TBC1D19: variants seen among roughly 807,000 people sequenced by gnomAD.
TBC1D19 encodes the protein TBC1 domain family, member 19.
Under a neutral mutation model 89.0 loss-of-function variants are expected in TBC1D19, and 60 were observed. That is an observed-to-expected ratio of 0.67 (90% CI 0.55 to 0.84). The LOEUF (loss-of-function observed/expected upper bound fraction) is 0.84. Among genes scored for constraint, TBC1D19 ranks in the 40% least tolerant of loss-of-function variants. TBC1D19 has a pLI of 0.00. For missense variants in TBC1D19, 500 were observed against 610.8 expected (o/e 0.82, Z 1.91); for synonymous variants, 189 against 199.7 (o/e 0.95, Z 0.45).
At chr4:26,773,251 C>T in the TBC1D19 span, among the ~76,000 whole-genome samples, 1 of 152,160 alleles carries the variant, frequency 6.6e-6, no homozygotes, top group Non-Finnish European at 1.5e-5. Context: ...TTGTTTGCCA[C>T]ATGTATGTCT....
Position 26,608,818 on chromosome 4 carries a change from G to A in TBC1D19, c.100-4351G>A, listed in dbSNP as rs148686965. On this transcript the variant is annotated intron_variant, in intron 1 of 20. Transcript: ENST00000264866. Reference sequence around the variant, plus strand: ...AAATATATTTTTTATCAAGTTCCTTGTTTTGGGGGGGAGGAAATTGGGTAA... The same window carrying A: ...AAATATATTTTTTATCAAGTTCCTTATTTTGGGGGGGAGGAAATTGGGTAA... 6.1e-3 allele frequency among the ~76,000 whole-genome samples: 926 copies of A among 151,754 alleles called. 2 individuals carry two copies. Among genetic ancestry groups the A allele is most frequent in the Middle Eastern group, 0.01 (3 of 294 alleles).
intron 4 of TBC1D19, 143 bp downstream of exon 4, chr4:26,620,831 G>T: frequency 2.9e-6 from 2 of 680,748 alleles, no homozygotes; most frequent in Middle Eastern, 4.3e-4. Flanking sequence ...AATAGTATTT[G>T]TATATTCTCC....
intron 4 of TBC1D19, among the ~76,000 whole-genome samples, chr4:26,624,607 A>C (rs1229056292): frequency 6.6e-6 from 1 of 152,180 alleles, no homozygotes; most frequent in Non-Finnish European, 1.5e-5. Context: ...TGCTGCATCT[A>C]GTACACTGGC....
chr4:26,760,669 A>G (rs1719425068), downstream of TBC1D19, among the ~76,000 whole-genome samples: 1 of 152,220 alleles, frequency 6.6e-6, no homozygotes, highest in African/African-American at 2.4e-5. Flanking sequence ...AATTTTCTTA[A>G]CTATGAGATA....
At chr4:26,601,349 A>T (rs1406646163) in intron 1 of TBC1D19, among the ~76,000 whole-genome samples, 1 of 152,152 alleles carries the variant, frequency 6.6e-6, no homozygotes. Flanking sequence ...TTCATGTTGT[A>T]GTGTGTGTTG....
At chr4:26,743,810 A>G (rs916260417) in intron 18 of TBC1D19, among the ~76,000 whole-genome samples, 2 of 151,688 alleles carry the variant, frequency 1.3e-5, no homozygotes, top group Non-Finnish European at 3.0e-5. Flanking sequence ...TCTTTTTGCT[A>G]TTGTGAAATG....
intron 13 of TBC1D19, among the ~76,000 whole-genome samples, chr4:26,692,312 A>G (rs4594713): frequency 0.052 from 7,911 of 152,282 alleles, 715 homozygotes; most frequent in African/African-American, 0.18. Context: ...CCCATAGGGC[A>G]GAGATCTGGC....
the TBC1D19 span, among the ~76,000 whole-genome samples, chr4:26,850,540 C>CAAAAAAAAAAAAA: frequency 2.2e-3 from 200 of 90,364 alleles, 11 homozygotes; most frequent in African/African-American, 9.4e-3. Flanking sequence ...GACCCTGTCT[C>CAAAAAAAAAAAAA]AAAAAAAAAA....
the TBC1D19 span, among the ~76,000 whole-genome samples, chr4:26,829,117 C>A: frequency 6.6e-6 from 1 of 152,210 alleles, no homozygotes; most frequent in Admixed American, 6.5e-5. Context: ...TTAGAAGGAG[C>A]TCACTTTGAA....
intron 1 of TBC1D19, among the ~76,000 whole-genome samples, chr4:26,594,692 C>A (rs1740080359): frequency 6.6e-6 from 1 of 152,194 alleles, no homozygotes; most frequent in African/African-American, 2.4e-5. Flanking sequence ...CCCCCTACCC[C>A]ATGAAATGCT....
At chr4:26,618,850 G>T (rs1312077298) in intron 3 of TBC1D19, among the ~76,000 whole-genome samples, 4 of 152,160 alleles carry the variant, frequency 2.6e-5, no homozygotes, top group Non-Finnish European at 5.9e-5. Context: ...TCAGTGGGTA[G>T]AACATCTTAG....
chr4:26,769,450 TAATA>T, the TBC1D19 span, among the ~76,000 whole-genome samples: 7 of 152,134 alleles, frequency 4.6e-5, no homozygotes, highest in East Asian at 9.7e-4. Context: ...AAAGCAATAA[TAATA>T]AATCATGAGA....
chr4:26,775,721 G>A, the TBC1D19 span, among the ~76,000 whole-genome samples: 4 of 152,132 alleles, frequency 2.6e-5, no homozygotes, highest in African/African-American at 9.7e-5. Context: ...TCCTGTTATA[G>A]CAGAACAACA....
At chr4:26,636,610 T>G (rs563396096) in intron 4 of TBC1D19, among the ~76,000 whole-genome samples, 105 of 151,796 alleles carry the variant, frequency 6.9e-4, no homozygotes, top group African/African-American at 2.5e-3. Context: ...TTTAAAAAAC[T>G]ATAAAAGATA....
intron 15 of TBC1D19, among the ~76,000 whole-genome samples, chr4:26,721,907 T>C (rs1717004555): frequency 6.6e-6 from 1 of 152,188 alleles, no homozygotes; most frequent in African/African-American, 2.4e-5. Context: ...CACCTGGCTG[T>C]CATCAAGCTC....
chr4:26,749,944 G>A (rs1473872222), intron 19 of TBC1D19, among the ~76,000 whole-genome samples: 1 of 151,978 alleles, frequency 6.6e-6, no homozygotes, highest in East Asian at 1.9e-4. Flanking sequence ...ATTTCTTTTG[G>A]CTGAATGGCA....
At chr4:26,834,440 G>A in the TBC1D19 span, among the ~76,000 whole-genome samples, 2 of 152,110 alleles carry the variant, frequency 1.3e-5, no homozygotes, top group Non-Finnish European at 2.9e-5. Flanking sequence ...GGACAGTGTT[G>A]GGGGTTGGAT....
the TBC1D19 span, among the ~76,000 whole-genome samples, chr4:26,835,023 G>A: frequency 6.6e-6 from 1 of 152,310 alleles, no homozygotes; most frequent in East Asian, 1.9e-4. Flanking sequence ...CTCCAAAGAT[G>A]TCCACCTCTT....
At chr4:26,817,239 C>T in the TBC1D19 span, among the ~76,000 whole-genome samples, 1 of 152,194 alleles carries the variant, frequency 6.6e-6, no homozygotes, top group Non-Finnish European at 1.5e-5. Context: ...CTGAATGCTG[C>T]CTGGCTATCT....
Sources: allele counts gnomAD v4.1 joint callset (sites outside exome capture counted in the v4.1 genomes callset), GRCh38; gene constraint gnomAD v4.1.1; transcripts MANE v1.5; gene names NCBI Gene and HGNC (gene_info 2026-07-23, HGNC 2026-07-21).